Variants in BIN3 observed in about 807,000 individuals in gnomAD.
BIN3 encodes bridging integrator 3.
A neutral mutation model predicts 38.2 loss-of-function variants in BIN3; 41 were observed. The observed-to-expected ratio is 1.07, with a 90% CI of 0.84 to 1.39. The LOEUF is 1.39. BIN3 is among the 40% of genes most tolerant of loss of function. The pLI is 0.00. For synonymous variants in BIN3, 145 were observed against 122.6 expected (o/e 1.18, Z -1.21); for missense variants, 361 against 324.3 (o/e 1.11, Z -0.87).
intron 6 of BIN3, chr8:22,625,694 T>C: frequency 2.9e-6 from 1 of 345,442 alleles, no homozygotes; most frequent in Non-Finnish European, 5.5e-6. Context: ...TTCCAGCAAT[T>C]CTCATGCCTC....
chr8:22,664,418 AAAGTCACAGAGGACATG>A (rs1413255931), intron 1 of BIN3, among the ~76,000 whole-genome samples: 1 of 152,236 alleles, frequency 6.6e-6, no homozygotes, highest in Admixed American at 6.5e-5. Flanking sequence ...TGGTGTGTCC[AAAGTCACAGAGGACATG>A]AGTGATGAGG....
chr8:22,639,645 T>A (rs903052407), intron 2 of BIN3, among the ~76,000 whole-genome samples: 7 of 152,206 alleles, frequency 4.6e-5, no homozygotes, highest in Non-Finnish European at 4.4e-5. Flanking sequence ...CCCATGGCAG[T>A]CCTCACTAAA....
intron 8 of BIN3, among the ~76,000 whole-genome samples, chr8:22,621,892 T>G (rs1027811802): frequency 2.0e-5 from 3 of 152,188 alleles, no homozygotes; most frequent in Non-Finnish European, 4.4e-5. Context: ...TTTTACTGCT[T>G]TTTGTAAGCT....
At position 22,630,091 on chromosome 8, in the gene BIN3, G is replaced by C. The variant is rs565612558; in HGVS notation, c.298-87C>G. The C allele has an allele frequency of 3.6e-6, 5 of 1,378,470 alleles. No homozygotes were observed. The South Asian group carries it at 4.9e-5, about 14-fold the overall frequency. The allele number at this position is 1,378,470 out of a possible 1,614,324, so 85.4% of individuals were successfully genotyped here. On this transcript the variant is annotated intron_variant, in intron 5 of 8. Coordinates refer to ENST00000276416, the MANE Select transcript of BIN3 (RefSeq NM_018688.6). The stretch of plus-strand genomic sequence containing the variant: ...AGGGCCCCTAACTACCAAAGGGCTA[G>C]GAAGTCTAAAGGGCCACAGGGTGCT...
intron 8 of BIN3, among the ~76,000 whole-genome samples, chr8:22,623,270 G>A (rs1031032607): frequency 2.0e-5 from 3 of 152,198 alleles, no homozygotes; most frequent in African/African-American, 7.2e-5. Flanking sequence ...TGAAGATGGA[G>A]GAGGGTGAGG....
intron 1 of BIN3, among the ~76,000 whole-genome samples, chr8:22,665,022 G>A (rs1803369303): frequency 6.6e-6 from 1 of 152,230 alleles, no homozygotes; most frequent in Non-Finnish European, 1.5e-5. Flanking sequence ...GAAGCTCTAT[G>A]TCGCTCCTGT....
chr8:22,656,223 G>GT (rs71206533), intron 1 of BIN3, among the ~76,000 whole-genome samples: 84,230 of 137,030 alleles, frequency 0.61, 25,706 homozygotes, highest in East Asian at 0.65. Context: ...GGTCTTAAGG[G>GT]TTTTTTTTTT....
At chr8:22,644,245 G>T (rs1021669102) in intron 2 of BIN3, among the ~76,000 whole-genome samples, 1 of 152,250 alleles carries the variant, frequency 6.6e-6, no homozygotes, top group African/African-American at 2.4e-5. Context: ...GGGCTTAAAG[G>T]GGGGTGGGAT....
At chr8:22,625,543 C>G in intron 6 of BIN3, 1 of 647,186 alleles carries the variant, frequency 1.5e-6, no homozygotes. Context: ...AGGAGCTCAG[C>G]TACCACACAG....
At chr8:22,651,597 A>G (rs1802892729) in intron 1 of BIN3, among the ~76,000 whole-genome samples, 1 of 152,202 alleles carries the variant, frequency 6.6e-6, no homozygotes, top group African/African-American at 2.4e-5. Flanking sequence ...GGCTGGACAT[A>G]ATTTCTGCCA....
At chr8:22,622,190 C>T (rs1441614511) in intron 8 of BIN3, among the ~76,000 whole-genome samples, 3 of 152,206 alleles carry the variant, frequency 2.0e-5, no homozygotes, top group Non-Finnish European at 2.9e-5. Context: ...TGGGGAAGCC[C>T]GTCAATTCTC....
intron 2 of BIN3, among the ~76,000 whole-genome samples, chr8:22,637,515 G>T (rs1022377106): frequency 2.0e-5 from 3 of 152,222 alleles, no homozygotes; most frequent in African/African-American, 7.2e-5. Flanking sequence ...CACAGACACT[G>T]TGACTACTGA....
chr8:22,643,294 G>C (rs1012511489), intron 2 of BIN3, among the ~76,000 whole-genome samples: 10 of 152,178 alleles, frequency 6.6e-5, no homozygotes, highest in Middle Eastern at 3.4e-3. Flanking sequence ...GAGTTGGTCA[G>C]CACCCTGCCT....
chr8:22,660,332 G>A (rs999445404), intron 1 of BIN3, among the ~76,000 whole-genome samples: 2 of 152,254 alleles, frequency 1.3e-5, no homozygotes, highest in African/African-American at 2.4e-5. Flanking sequence ...TGCGGACTCC[G>A]CAAGGAGAGC....
intron 1 of BIN3, among the ~76,000 whole-genome samples, chr8:22,651,551 C>CAAA (rs1802891029): frequency 6.6e-6 from 1 of 152,172 alleles, no homozygotes; most frequent in Non-Finnish European, 1.5e-5. Flanking sequence ...AAACCTTGTT[C>CAAA]TTCTACCTGC....
intron 6 of BIN3, among the ~76,000 whole-genome samples, chr8:22,628,081 G>A (rs1172016061): frequency 2.0e-5 from 3 of 152,234 alleles, no homozygotes; most frequent in Admixed American, 6.5e-5. Context: ...GAAGGTGAGC[G>A]AGGCCGGCTG....
chr8:22,624,436 G>A lies in BIN3; in HGVS notation c.339-73C>T, dbSNP rs569708121. 2.0e-5 allele frequency: 31 copies of A among 1,556,568 alleles called. No individual in the cohort carries two copies. The African/African-American group carries it at 3.1e-4, about 16-fold the overall frequency. On this transcript the variant is annotated intron_variant, in intron 6 of 8. Transcript: ENST00000276416. ...CTGGCTGGAGATGGGTCTGCTCTTG[G>A]AGGGGTGGCCTGGCTGGAGATGGGT...
At chr8:22,666,707 T>C (rs913542871) in intron 1 of BIN3, among the ~76,000 whole-genome samples, 1 of 152,172 alleles carries the variant, frequency 6.6e-6, no homozygotes, top group African/African-American at 2.4e-5. Flanking sequence ...AGGGCATCAA[T>C]ATTGGACATT....
At chr8:22,650,549 C>A (rs186660768) in intron 1 of BIN3, among the ~76,000 whole-genome samples, 1 of 152,256 alleles carries the variant, frequency 6.6e-6, no homozygotes, top group Admixed American at 6.5e-5. Context: ...TTTTGTTAAT[C>A]TAAATTCTAT....
Sources: allele counts gnomAD v4.1 joint callset (sites outside exome capture counted in the v4.1 genomes callset), GRCh38; gene constraint gnomAD v4.1.1; transcripts MANE v1.5; gene names NCBI Gene and HGNC (gene_info 2026-07-23, HGNC 2026-07-21).